The following AP3B1 variants were observed in gnomAD, a reference collection of about 807,000 sequenced individuals.
AP3B1 encodes the protein adaptor related protein complex 3 subunit beta 1.
Under a neutral mutation model 132.5 loss-of-function variants are expected in AP3B1, and 61 were observed. The ratio of observed to expected loss-of-function variants is 0.46; its 90% CI spans 0.37 to 0.57. The LOEUF (loss-of-function observed/expected upper bound fraction) is 0.57. Ranked by LOEUF, AP3B1 falls within the 20% of genes least tolerant of loss-of-function variation. The pLI is 0.00. For synonymous variants in AP3B1, 388 were observed against 438.3 expected (o/e 0.89, Z 1.43); for missense variants, 1,120 against 1,289.4 (o/e 0.87, Z 2.01).
At chr5:78,133,105 C>G (rs1006176776) in intron 15 of AP3B1, among the ~76,000 whole-genome samples, 1 of 152,188 alleles carries the variant, frequency 6.6e-6, no homozygotes, top group African/African-American at 2.4e-5. Flanking sequence ...CCACTGGCAG[C>G]CTGGAGCTTC....
Position 78,061,880 on chromosome 5 carries a change from C to T in AP3B1, c.2578-22606G>A, listed in dbSNP as rs557823611. Among the ~76,000 whole-genome samples, 10 of 152,272 alleles carry T rather than the reference C, an allele frequency of 6.6e-5. No individual in the cohort carries two copies. The South Asian group carries it at 2.1e-3, about 32-fold the overall frequency. On this transcript the variant is annotated intron_variant, in intron 22 of 26. Transcript: ENST00000255194. Reference sequence around the variant, plus strand: ...AAACAAGTGACAAAGAACAAGGAAGCTGATTGAAGGGGTCCATTATGTATC... The same window carrying T: ...AAACAAGTGACAAAGAACAAGGAAGTTGATTGAAGGGGTCCATTATGTATC...
intron 13 of AP3B1, among the ~76,000 whole-genome samples, chr5:78,162,471 G>A (rs1373989472): frequency 6.6e-6 from 1 of 152,084 alleles, no homozygotes; most frequent in Non-Finnish European, 1.5e-5. Context: ...ACCCTCTGCA[G>A]GTGAACCAAT....
intron 12 of AP3B1, among the ~76,000 whole-genome samples, chr5:78,165,214 A>G (rs1225367902): frequency 6.6e-6 from 1 of 152,158 alleles, no homozygotes; most frequent in African/African-American, 2.4e-5. Flanking sequence ...ATATGAGGCT[A>G]AGGGGGCAGT....
chr5:78,119,842 C>T (rs1168493973), intron 17 of AP3B1, among the ~76,000 whole-genome samples: 3 of 152,108 alleles, frequency 2.0e-5, no homozygotes, highest in African/African-American at 7.2e-5. Flanking sequence ...ACAGAGAACG[C>T]CACAAAGATA....
chr5:78,081,051 G>C (rs1047240780), intron 22 of AP3B1, among the ~76,000 whole-genome samples: 3 of 152,172 alleles, frequency 2.0e-5, no homozygotes, highest in Admixed American at 2.0e-4. Context: ...AAAAGCCATA[G>C]ATGTTGATTC....
chr5:78,293,819 A>C (rs1749635777), intron 1 of AP3B1, among the ~76,000 whole-genome samples: 2 of 152,212 alleles, frequency 1.3e-5, no homozygotes, highest in South Asian at 4.1e-4. Context: ...TCACATTATT[A>C]ATCTGTAAAA....
chr5:78,265,555 CCTCA>C (rs1275992736), intron 2 of AP3B1, among the ~76,000 whole-genome samples: 2 of 152,152 alleles, frequency 1.3e-5, no homozygotes, highest in Non-Finnish European at 2.9e-5. Flanking sequence ...CTTTCGTATT[CCTCA>C]GTAAATTATC....
At chr5:78,118,270 C>G (rs985456400) in intron 17 of AP3B1, among the ~76,000 whole-genome samples, 3 of 152,164 alleles carry the variant, frequency 2.0e-5, no homozygotes, top group African/African-American at 7.2e-5. Context: ...ACGCAGAAGA[C>G]GGGTGATTTC....
chr5:78,027,977 T>C (rs1561361327), intron 24 of AP3B1, among the ~76,000 whole-genome samples: 1 of 151,798 alleles, frequency 6.6e-6, no homozygotes, highest in Non-Finnish European at 1.5e-5. Context: ...TATACAAAAA[T>C]TAGCTGGGCC....
chr5:78,192,633 C>T (rs1201684099), intron 7 of AP3B1, among the ~76,000 whole-genome samples: 2 of 152,102 alleles, frequency 1.3e-5, no homozygotes, highest in African/African-American at 2.4e-5. Context: ...CAGAGCAAGA[C>T]ACTATCTCCA....
chr5:78,227,953 A>C (rs1275961162), intron 4 of AP3B1, among the ~76,000 whole-genome samples, 191 bp downstream of exon 4: 2 of 144,960 alleles, frequency 1.4e-5, no homozygotes, highest in Admixed American at 6.7e-5. Flanking sequence ...AAGCTGTAAC[A>C]TATACAGCAA....
In AP3B1 at chr5:78,097,516, T is replaced by G. The variant is rs1294725567; in HGVS notation, c.2470+3437A>C. ...CCCGTCCGGGAGGGAGGTGGGGGGG[T>G]CAGCCCCCCGCCCGGCCAGCCGCCC... On this transcript the variant is annotated intron_variant, in intron 21 of 26. Transcript: ENST00000255194. Among the ~76,000 whole-genome samples, 2 of 83,368 alleles carry G rather than the reference T, an allele frequency of 2.4e-5. 1 individual carries two copies. The highest frequency in any genetic ancestry group is 4.8e-5 in the Non-Finnish European group (2 of 42,074). 54.7% of individuals were successfully genotyped at this position (83,368 alleles called of 152,430 possible).
intron 22 of AP3B1, among the ~76,000 whole-genome samples, chr5:78,055,664 T>C (rs992996688): frequency 5.3e-5 from 8 of 152,200 alleles, no homozygotes; most frequent in Admixed American, 2.0e-4. Flanking sequence ...AAATGGTCCT[T>C]ATGATAAAGG....
At chr5:78,122,935 G>A (rs1752289117) in intron 17 of AP3B1, among the ~76,000 whole-genome samples, 1 of 152,210 alleles carries the variant, frequency 6.6e-6, no homozygotes, top group Admixed American at 6.5e-5. Flanking sequence ...CATGCCATCT[G>A]ACTTCAAACT....
At chr5:78,091,441 T>C (rs1750511084) in intron 21 of AP3B1, among the ~76,000 whole-genome samples, 1 of 152,034 alleles carries the variant, frequency 6.6e-6, no homozygotes, top group Non-Finnish European at 1.5e-5. Flanking sequence ...CTACGCTCAC[T>C]TAGTACGGCT....
At chr5:78,264,133 T>TC (rs1561208591) in intron 2 of AP3B1, among the ~76,000 whole-genome samples, 1 of 152,188 alleles carries the variant, frequency 6.6e-6, no homozygotes, top group Non-Finnish European at 1.5e-5. Context: ...TCAGAAAGCA[T>TC]CCCTGTCATT....
chr5:78,130,133 A>C (rs1752627638), intron 15 of AP3B1, among the ~76,000 whole-genome samples: 2 of 152,274 alleles, frequency 1.3e-5, no homozygotes, highest in Admixed American at 6.5e-5. Flanking sequence ...AAATGTTAAC[A>C]AAACAGGTTT....
At chr5:78,211,604 G>A (rs940354916) in intron 7 of AP3B1, among the ~76,000 whole-genome samples, 10 of 152,068 alleles carry the variant, frequency 6.6e-5, no homozygotes, top group Admixed American at 4.6e-4. Flanking sequence ...GCATATTAAC[G>A]TAAACAAATG....
chr5:78,140,926 C>G (rs954523109), intron 15 of AP3B1, among the ~76,000 whole-genome samples: 4 of 152,168 alleles, frequency 2.6e-5, no homozygotes, highest in African/African-American at 9.7e-5. Flanking sequence ...TCTGCTACAG[C>G]ATTAACACAC....
Sources: allele counts gnomAD v4.1 joint callset (sites outside exome capture counted in the v4.1 genomes callset), GRCh38; gene constraint gnomAD v4.1.1; transcripts MANE v1.5; gene names NCBI Gene and HGNC (gene_info 2026-07-23, HGNC 2026-07-21).